The following NFIL3 variants were observed in gnomAD, a reference collection of about 807,000 sequenced individuals.
NFIL3 encodes nuclear factor, interleukin 3 regulated.
Under a neutral mutation model 10.0 loss-of-function variants are expected in NFIL3, and 5 were observed. That is an observed-to-expected ratio of 0.50 (90% CI 0.26 to 1.06). The LOEUF (loss-of-function observed/expected upper bound fraction) is 1.06. NFIL3 is among the 50% of genes least tolerant of loss of function. The pLI, the probability that NFIL3 is intolerant of heterozygous loss-of-function variation, is 0.13. For synonymous variants in NFIL3, 202 were observed against 206.5 expected (o/e 0.98, Z 0.19); for missense variants, 436 against 547.6 (o/e 0.80, Z 2.03).
At chr9:91,428,283 T>C (rs1833890879), upstream of NFIL3, among the ~76,000 whole-genome samples, 1 of 152,232 alleles carries the variant, frequency 6.6e-6, no homozygotes, top group African/African-American at 2.4e-5. Flanking sequence ...CCTTTGGCCT[T>C]TCTCCAGTCA....
At chr9:91,412,114 A>C (rs1405502540) in intron 1 of NFIL3, among the ~76,000 whole-genome samples, 5 of 150,640 alleles carry the variant, frequency 3.3e-5, no homozygotes, top group Non-Finnish European at 7.4e-5. Flanking sequence ...AAAAAAAAAA[A>C]AAAAAAAAAC....
At chr9:91,438,234 T>C in the NFIL3 span, among the ~76,000 whole-genome samples, 3 of 152,218 alleles carry the variant, frequency 2.0e-5, no homozygotes, top group East Asian at 5.8e-4. Context: ...CTCATTGTGA[T>C]TTTGACTCGT....
At chr9:91,440,031 A>G in the NFIL3 span, among the ~76,000 whole-genome samples, 6 of 152,162 alleles carry the variant, frequency 3.9e-5, no homozygotes, top group African/African-American at 1.4e-4. Context: ...TGCCTCATAA[A>G]GTATGTTTGG....
At chr9:91,476,571 TA>T in the NFIL3 span, among the ~76,000 whole-genome samples, 444 of 134,040 alleles carry the variant, frequency 3.3e-3, no homozygotes, top group African/African-American at 6.2e-3. Flanking sequence ...AGAATCCGTC[TA>T]AAAAAAAAAA....
the NFIL3 span, among the ~76,000 whole-genome samples, chr9:91,474,819 G>A: frequency 1.3e-5 from 2 of 152,132 alleles, no homozygotes; most frequent in African/African-American, 2.4e-5. Flanking sequence ...TGGGCAATAG[G>A]GAAACAAACC....
At chr9:91,445,519 G>A in the NFIL3 span, among the ~76,000 whole-genome samples, 1 of 152,166 alleles carries the variant, frequency 6.6e-6, no homozygotes, top group African/African-American at 2.4e-5. Context: ...AAAAGGTGGG[G>A]TAGAACAGCT....
At chr9:91,415,994 C>T (rs1833647593) in intron 1 of NFIL3, among the ~76,000 whole-genome samples, 1 of 152,196 alleles carries the variant, frequency 6.6e-6, no homozygotes, top group East Asian at 1.9e-4. Context: ...AACTTTTCTC[C>T]ATCCTCCTTA....
chr9:91,452,502 C>T, the NFIL3 span, among the ~76,000 whole-genome samples: 4,597 of 152,174 alleles, frequency 0.03, 97 homozygotes, highest in East Asian at 0.093. Flanking sequence ...AGGCCAGGTG[C>T]GGTGGCTCAC....
chr9:91,462,712 A>G, the NFIL3 span, among the ~76,000 whole-genome samples: 1 of 151,344 alleles, frequency 6.6e-6, no homozygotes, highest in Non-Finnish European at 1.5e-5. Context: ...GCCTCATTGT[A>G]TAAGTTAGAA....
chr9:91,440,871 C>T, the NFIL3 span, among the ~76,000 whole-genome samples: 14 of 152,126 alleles, frequency 9.2e-5, no homozygotes, highest in South Asian at 1.7e-3. Context: ...AAACAATCTT[C>T]GATATGATTT....
the NFIL3 span, among the ~76,000 whole-genome samples, chr9:91,454,871 T>C: frequency 2.0e-5 from 3 of 152,114 alleles, no homozygotes; most frequent in East Asian, 5.8e-4. Context: ...CATAAGAAAC[T>C]TTAGAAGTTT....
At chr9:91,421,886 C>T (rs1201279165) in intron 1 of NFIL3, among the ~76,000 whole-genome samples, 1 of 152,218 alleles carries the variant, frequency 6.6e-6, no homozygotes, top group Admixed American at 6.5e-5. Context: ...TATATTCACA[C>T]ATAATCACTA....
chr9:91,443,618 G>T, the NFIL3 span, among the ~76,000 whole-genome samples: 1 of 152,194 alleles, frequency 6.6e-6, no homozygotes, highest in Admixed American at 6.5e-5. Flanking sequence ...GCTCGACCAC[G>T]ACTTTGCTCC....
chr9:91,439,106 G>T, the NFIL3 span, among the ~76,000 whole-genome samples: 7 of 152,080 alleles, frequency 4.6e-5, no homozygotes, highest in African/African-American at 1.7e-4. Context: ...TATTGCTTTG[G>T]TTAACAGACA....
At chr9:91,422,762 T>C (rs1833792932) in intron 1 of NFIL3, among the ~76,000 whole-genome samples, 1 of 152,238 alleles carries the variant, frequency 6.6e-6, no homozygotes, top group East Asian at 1.9e-4. Context: ...AAATAACAGC[T>C]GAGAACATTG....
At chr9:91,466,703 A>G in the NFIL3 span, among the ~76,000 whole-genome samples, 1 of 152,196 alleles carries the variant, frequency 6.6e-6, no homozygotes, top group Non-Finnish European at 1.5e-5. Flanking sequence ...GGATAGTTCT[A>G]TCACATTAGG....
the NFIL3 span, among the ~76,000 whole-genome samples, chr9:91,428,929 T>C: frequency 6.6e-6 from 1 of 152,146 alleles, no homozygotes; most frequent in African/African-American, 2.4e-5. Context: ...AAAAGGAGAA[T>C]ACACTAAAAA....
upstream of NFIL3, chr9:91,427,018 C>G (rs560683703): frequency 2.3e-4 from 35 of 151,518 alleles, no homozygotes; most frequent in African/African-American, 8.5e-4. Flanking sequence ...TCAGCTCTCT[C>G]ATCAATTGCT....
chr9:91,414,047 G>C (rs1204178708), intron 1 of NFIL3, among the ~76,000 whole-genome samples: 3 of 152,140 alleles, frequency 2.0e-5, no homozygotes, highest in African/African-American at 7.2e-5. Context: ...GCCCAATTGG[G>C]AAGGAGCCTT....
Sources: gnomAD v4.1 joint callset for allele counts (sites outside exome capture counted in the v4.1 genomes callset) on GRCh38, gnomAD v4.1.1 for gene constraint, MANE v1.5 for transcripts, NCBI Gene and HGNC (gene_info 2026-07-23, HGNC 2026-07-21) for gene names.